The following PCTP variants were observed in gnomAD, a reference collection of about 807,000 sequenced individuals.
PCTP encodes phosphatidylcholine transfer protein.
PCTP carries 27 observed loss-of-function variants against 31.0 expected under a neutral mutation model. The observed-to-expected ratio is 0.87, with a 90% CI of 0.64 to 1.20. The LOEUF (loss-of-function observed/expected upper bound fraction) is 1.20. Ranked by LOEUF, PCTP falls within the 50% of genes most tolerant of loss-of-function variation. PCTP has a pLI of 0.00. For synonymous variants in PCTP, 108 were observed against 101.2 expected, an observed-to-expected ratio of 1.07 and a Z score of -0.40; for missense variants, 287 against 268.2, an observed-to-expected ratio of 1.07 and a Z score of -0.49.
At chr17:55,781,786 A>G (rs932225103), downstream of PCTP, among the ~76,000 whole-genome samples, 1 of 152,222 alleles carries the variant, frequency 6.6e-6, no homozygotes, top group African/African-American at 2.4e-5. Flanking sequence ...GGGTTACTCC[A>G]TATAGCCTAT....
downstream of PCTP, among the ~76,000 whole-genome samples, chr17:55,845,756 C>T (rs2145099373): frequency 6.6e-6 from 1 of 152,176 alleles, no homozygotes; most frequent in Middle Eastern, 3.4e-3. Context: ...GGGCCGAGCC[C>T]CCCCGTGAGG....
At chr17:55,783,165 G>C (rs1031814012) in intron 2 of PCTP, among the ~76,000 whole-genome samples, 4 of 152,132 alleles carry the variant, frequency 2.6e-5, no homozygotes, top group African/African-American at 9.7e-5. Context: ...TTTAAAGCTA[G>C]AATTGCTTTG....
At chr17:55,802,421 A>G (rs1912417181) in intron 3 of PCTP, among the ~76,000 whole-genome samples, 1 of 152,186 alleles carries the variant, frequency 6.6e-6, no homozygotes. Context: ...AACAACAACA[A>G]AAAACTTTCA....
intron 5 of PCTP, among the ~76,000 whole-genome samples, chr17:55,835,854 C>T (rs1407294803): frequency 6.6e-6 from 1 of 152,160 alleles, no homozygotes. Context: ...GCCTATTTAC[C>T]AGTAATGAAA....
intron 5 of PCTP, among the ~76,000 whole-genome samples, chr17:55,830,864 C>T (rs879807731): frequency 6.6e-5 from 10 of 152,032 alleles, no homozygotes; most frequent in Admixed American, 2.6e-4. Context: ...GGTGTCAGGC[C>T]GGCTGCTGTG....
chr17:55,812,340 G>A (rs1912778618), intron 3 of PCTP, among the ~76,000 whole-genome samples: 2 of 152,198 alleles, frequency 1.3e-5, no homozygotes, highest in African/African-American at 2.4e-5. Context: ...CCCATAAGAG[G>A]TAGTAGGCAC....
chr17:55,765,635 C>T (rs966117051), intron 1 of PCTP, among the ~76,000 whole-genome samples: 7 of 152,172 alleles, frequency 4.6e-5, no homozygotes, highest in African/African-American at 1.4e-4. Context: ...CTATTTTCTA[C>T]CAAGCAGCAA....
chr17:55,841,946 A>T (rs1242163662), intron 5 of PCTP, among the ~76,000 whole-genome samples: 2 of 152,122 alleles, frequency 1.3e-5, no homozygotes, highest in Non-Finnish European at 2.9e-5. Flanking sequence ...TATCTAGCTA[A>T]TTCTCTTTAT....
In PCTP at chr17:55,760,451, A is replaced by G. The variant is rs72841701; in HGVS notation, c.142-6884A>G. ...CTAGTTTAATCCTCATAATCATTCC[A>G]TGAAGTAGAAACTTATTAGACCCAT... On this transcript the variant is annotated intron_variant, in intron 1 of 5. Transcript: ENST00000268896. Among the ~76,000 whole-genome samples, 974 of 152,346 alleles carry G rather than the reference A, an allele frequency of 6.4e-3. 4 individuals are homozygous for G. The highest frequency in any genetic ancestry group is 0.02 in the South Asian group (95 of 4,830).
downstream of PCTP, among the ~76,000 whole-genome samples, chr17:55,782,252 A>G (rs571475472): frequency 4.7e-4 from 71 of 152,290 alleles, no homozygotes; most frequent in African/African-American, 1.5e-3. Context: ...CAGCTACTCA[A>G]TTCAAACATT....
chr17:55,772,960 A>C (rs74443635), intron 3 of PCTP, among the ~76,000 whole-genome samples: 5,496 of 152,262 alleles, frequency 0.036, 320 homozygotes, highest in African/African-American at 0.12. Flanking sequence ...CTGTATGTCA[A>C]GTGCATGATG....
At chr17:55,760,711 TA>T (rs769630348) in intron 1 of PCTP, among the ~76,000 whole-genome samples, 3 of 151,156 alleles carry the variant, frequency 2.0e-5, no homozygotes, top group African/African-American at 7.3e-5. Context: ...AAGCAGCATC[TA>T]AAAAAAAATA....
chr17:55,766,592 C>T (rs951835032), intron 1 of PCTP, among the ~76,000 whole-genome samples: 30 of 151,910 alleles, frequency 2.0e-4, no homozygotes, highest in Non-Finnish European at 2.2e-4. Context: ...GACATGAACT[C>T]GTCATTTTTT....
At chr17:55,812,203 G>GTAAA (rs1171061676) in intron 3 of PCTP, among the ~76,000 whole-genome samples, 2 of 151,862 alleles carry the variant, frequency 1.3e-5, no homozygotes, top group African/African-American at 4.8e-5. Context: ...AGAATGGAGG[G>GTAAA]GTAATATAAT....
chr17:55,773,675 G>C (rs753893951), intron 3 of PCTP, 49 bp from the exon 4 acceptor site: 36 of 1,549,842 alleles, frequency 2.3e-5, no homozygotes, highest in Non-Finnish European at 2.6e-6. Context: ...CTTTCCTTCT[G>C]TCTGTCTACA....
At chr17:55,771,008 C>T in intron 2 of PCTP, 98 bp from the exon 3 acceptor site, 1 of 862,642 alleles carries the variant, frequency 1.2e-6, no homozygotes, top group Non-Finnish European at 1.9e-6. Flanking sequence ...GCTGGGATTA[C>T]AGGCATGAGC....
chr17:55,772,660 GTAGTGACTT>G, intron 3 of PCTP, among the ~76,000 whole-genome samples: 1 of 151,626 alleles, frequency 6.6e-6, no homozygotes, highest in African/African-American at 2.4e-5. Context: ...TGTGTTGTGC[GTAGTGACTT>G]TTTGATTATT....
chr17:55,764,966 G>A (rs975631016), intron 1 of PCTP, among the ~76,000 whole-genome samples: 44 of 152,188 alleles, frequency 2.9e-4, no homozygotes, highest in African/African-American at 9.9e-4. Flanking sequence ...AATTGCCACC[G>A]TACAGAGAGT....
chr17:55,809,250 A>G (rs949723276), intron 3 of PCTP, among the ~76,000 whole-genome samples: 11 of 152,152 alleles, frequency 7.2e-5, no homozygotes, highest in Non-Finnish European at 1.6e-4. Flanking sequence ...ACAAAACACA[A>G]ACTCTTTATA....
Sources: gnomAD v4.1 joint callset for allele counts (sites outside exome capture counted in the v4.1 genomes callset) on GRCh38, gnomAD v4.1.1 for gene constraint, MANE v1.5 for transcripts, NCBI Gene and HGNC (gene_info 2026-07-23, HGNC 2026-07-21) for gene names.